Variants in TENM2 observed in about 807,000 individuals in gnomAD.
TENM2 encodes the protein teneurin-2.
TENM2 carries 52 observed loss-of-function variants against 245.2 expected under a neutral mutation model. That is an observed-to-expected ratio of 0.21 (90% CI 0.17 to 0.27). TENM2 has a LOEUF of 0.27. Ranked by LOEUF, TENM2 falls within the 10% of genes least tolerant of loss-of-function variation. The pLI, the probability that TENM2 is intolerant of heterozygous loss-of-function variation, is 1.00. For synonymous variants in TENM2, 1,363 were observed against 1,438.9 expected (o/e 0.95, Z 1.19); for missense variants, 3,046 against 3,666.8 (o/e 0.83, Z 4.37).
chr5:168,032,206 C>T (rs1787208946), intron 5 of TENM2, among the ~76,000 whole-genome samples: 2 of 152,192 alleles, frequency 1.3e-5, no homozygotes, highest in South Asian at 4.1e-4. Flanking sequence ...TGATATTCTA[C>T]CATATTTAAT....
intron 1 of TENM2, among the ~76,000 whole-genome samples, chr5:167,322,437 C>A (rs147023992): frequency 1.6e-3 from 237 of 152,206 alleles, no homozygotes; most frequent in Middle Eastern, 3.4e-3. Flanking sequence ...TAATATATCA[C>A]ATTCAAATCC....
At chr5:167,850,168 A>G (rs1390466977) in intron 2 of TENM2, among the ~76,000 whole-genome samples, 1 of 152,232 alleles carries the variant, frequency 6.6e-6, no homozygotes. Context: ...TTTAGAAGAC[A>G]AAAGACATTC....
the TENM2 span, among the ~76,000 whole-genome samples, chr5:167,202,920 A>C: frequency 4.7e-4 from 72 of 152,310 alleles, no homozygotes; most frequent in African/African-American, 1.7e-3. Context: ...GATTCCAGAG[A>C]ACTTGAACTA....
intron 1 of TENM2, among the ~76,000 whole-genome samples, chr5:167,351,202 T>C (rs1758892318): frequency 6.6e-6 from 1 of 150,650 alleles, no homozygotes; most frequent in African/African-American, 2.4e-5. Flanking sequence ...GATATATATA[T>C]ATGGGATATA....
chr5:167,924,712 G>A (rs991839646), intron 3 of TENM2, among the ~76,000 whole-genome samples: 2 of 152,138 alleles, frequency 1.3e-5, no homozygotes, highest in African/African-American at 4.8e-5. Flanking sequence ...TTGTCTAAAG[G>A]TTCCACCTAG....
At chr5:167,911,191 T>C (rs1364222789) in intron 3 of TENM2, among the ~76,000 whole-genome samples, 6 of 152,160 alleles carry the variant, frequency 3.9e-5, no homozygotes, top group Non-Finnish European at 7.3e-5. Context: ...TGGAGTTGTT[T>C]CACAAAAATG....
intron 2 of TENM2, among the ~76,000 whole-genome samples, chr5:167,524,465 T>A (rs1770973982): frequency 6.6e-6 from 1 of 152,158 alleles, no homozygotes; most frequent in African/African-American, 2.4e-5. Context: ...TGGGTAAATA[T>A]CTTTATTATT....
the TENM2 span, among the ~76,000 whole-genome samples, chr5:167,270,011 TATC>T: frequency 6.6e-6 from 1 of 152,176 alleles, no homozygotes; most frequent in African/African-American, 2.4e-5. Flanking sequence ...TCATATATGT[TATC>T]ATTTCTGTGA....
At chr5:167,155,291 T>G in the TENM2 span, among the ~76,000 whole-genome samples, 1 of 152,188 alleles carries the variant, frequency 6.6e-6, no homozygotes, top group African/African-American at 2.4e-5. Flanking sequence ...TATGGGATCC[T>G]GTGTCCCAAA....
intron 13 of TENM2, among the ~76,000 whole-genome samples, chr5:168,176,755 A>G (rs1759397559): frequency 6.6e-6 from 1 of 152,232 alleles, no homozygotes; most frequent in African/African-American, 2.4e-5. Flanking sequence ...AGCTTTCACG[A>G]GAAGTGTTTG....
intron 2 of TENM2, among the ~76,000 whole-genome samples, chr5:167,476,438 A>G (rs1237921913): frequency 2.0e-5 from 3 of 152,206 alleles, no homozygotes; most frequent in South Asian, 2.1e-4. Context: ...TCAAAAAATC[A>G]TATTTGTAAA....
intron 2 of TENM2, chr5:167,653,782 A>G (rs576736180): frequency 2.0e-5 from 3 of 152,210 alleles, no homozygotes; most frequent in East Asian, 3.9e-4. Flanking sequence ...CTGGGGTGGC[A>G]TGTGACAAGC....
chr5:167,223,796 C>T, the TENM2 span, among the ~76,000 whole-genome samples: 3 of 151,388 alleles, frequency 2.0e-5, no homozygotes, highest in Admixed American at 2.0e-4. Flanking sequence ...TACTAATTTA[C>T]ATTCTCATCA....
intron 4 of TENM2, among the ~76,000 whole-genome samples, chr5:167,957,567 G>A (rs1279456642): frequency 6.6e-6 from 1 of 152,092 alleles, no homozygotes; most frequent in Non-Finnish European, 1.5e-5. Context: ...TGTGATGTTA[G>A]GGTGTCGATT....
chr5:168,205,607 A>C (rs571096523), intron 19 of TENM2, among the ~76,000 whole-genome samples: 1 of 152,180 alleles, frequency 6.6e-6, no homozygotes, highest in Admixed American at 6.5e-5. Flanking sequence ...ATCTGGGGAA[A>C]AGCACTCAGG....
At chr5:167,161,770 G>A in the TENM2 span, among the ~76,000 whole-genome samples, 7 of 152,060 alleles carry the variant, frequency 4.6e-5, no homozygotes, top group African/African-American at 7.2e-5. Context: ...TTCACATATG[G>A]TCGATCTTGC....
At chr5:167,759,892 A>G (rs1762548782) in intron 2 of TENM2, among the ~76,000 whole-genome samples, 1 of 67,790 alleles carries the variant, frequency 1.5e-5, no homozygotes, top group Admixed American at 2.2e-4. Flanking sequence ...AGTGTGAAAT[A>G]AGGTGTGATT....
At chr5:167,146,690 C>T in the TENM2 span, among the ~76,000 whole-genome samples, 2 of 152,090 alleles carry the variant, frequency 1.3e-5, no homozygotes, top group African/African-American at 4.8e-5. Context: ...AATCCCATTC[C>T]GGGGAAGTAA....
At chr5:167,816,125 A>T (rs1277962425) in intron 2 of TENM2, among the ~76,000 whole-genome samples, 1 of 152,072 alleles carries the variant, frequency 6.6e-6, no homozygotes, top group African/African-American at 2.4e-5. Flanking sequence ...CAGTCAAGAA[A>T]AAACAATAGA....
Sources: allele counts gnomAD v4.1 joint callset (sites outside exome capture counted in the v4.1 genomes callset), GRCh38; gene constraint gnomAD v4.1.1; transcripts MANE v1.5; gene names NCBI Gene and HGNC (gene_info 2026-07-23, HGNC 2026-07-21).